PIK3C2G: variants seen among roughly 807,000 people sequenced by gnomAD.
PIK3C2G encodes phosphatidylinositol 3-kinase C2 domain-containing subunit gamma.
A neutral mutation model predicts 181.1 loss-of-function variants in PIK3C2G; 168 were observed. That is an observed-to-expected ratio of 0.93 (90% CI 0.82 to 1.05). PIK3C2G has a LOEUF of 1.05. Ranked by LOEUF, PIK3C2G falls within the 50% of genes least tolerant of loss-of-function variation. PIK3C2G has a pLI of 0.00. For missense variants in PIK3C2G, 1,869 were observed against 1,732.8 expected, an observed-to-expected ratio of 1.08 and a Z score of -1.40; for synonymous variants, 573 against 592.2, an observed-to-expected ratio of 0.97 and a Z score of 0.47.
intron 18 of PIK3C2G, among the ~76,000 whole-genome samples, chr12:18,433,564 C>A (rs1178792165): frequency 6.6e-6 from 1 of 152,058 alleles, no homozygotes; most frequent in Non-Finnish European, 1.5e-5. Context: ...ATTAAGTGTG[C>A]TCTTTTAGTT....
chr12:18,711,252 G>A, the PIK3C2G span, among the ~76,000 whole-genome samples: 6 of 151,238 alleles, frequency 4.0e-5, no homozygotes, highest in African/African-American at 1.2e-4. Context: ...GATGAAACTG[G>A]AAACCATCAT....
At chr12:18,402,835 T>C (rs1450680668) in intron 16 of PIK3C2G, among the ~76,000 whole-genome samples, 1 of 152,172 alleles carries the variant, frequency 6.6e-6, no homozygotes, top group African/African-American at 2.4e-5. Flanking sequence ...CAATGTTTTA[T>C]GTGTCCAGAT....
chr12:18,346,507 C>G, intron 10 of PIK3C2G, 134 bp from the exon 11 acceptor site: 1 of 522,738 alleles, frequency 1.9e-6, no homozygotes, highest in East Asian at 3.1e-5. Context: ...ATAGTTAATT[C>G]TCTTCAATTG....
intron 31 of PIK3C2G, among the ~76,000 whole-genome samples, chr12:18,633,987 A>G (rs183376152): frequency 1.2e-4 from 18 of 152,220 alleles, no homozygotes; most frequent in African/African-American, 3.4e-4. Flanking sequence ...GTACCTGTGA[A>G]TCTTGGCTAT....
chr12:18,640,418 T>A lies in PIK3C2G; in HGVS notation c.4183-11T>A. 6.2e-7 allele frequency: 1 copy of A among 1,604,746 alleles called. No homozygotes were observed. Among genetic ancestry groups the A allele is most frequent in the Non-Finnish European group, 8.5e-7 (1 of 1,174,826 alleles). On this transcript the variant is annotated splice_polypyrimidine_tract_variant and intron_variant, in intron 31 of 32. Transcript: ENST00000538779. ...ACATGCATTAATATTTATAACCATT[T>A]TCCTTTGCAGCATCTCCCAGATGGC...
At chr12:18,710,248 T>C in the PIK3C2G span, among the ~76,000 whole-genome samples, 1 of 150,444 alleles carries the variant, frequency 6.6e-6, no homozygotes, top group Non-Finnish European at 1.5e-5. Flanking sequence ...CTTTGAATTT[T>C]AAGACTGTCA....
At chr12:18,538,336 C>A (rs557106579) in intron 25 of PIK3C2G, 24 bp downstream of exon 25, 25 of 1,554,818 alleles carry the variant, frequency 1.6e-5, no homozygotes, top group African/African-American at 1.4e-4. Flanking sequence ...GAAAAAAAAA[C>A]AAAAATAATA....
chr12:18,430,839 C>T lies in PIK3C2G; in HGVS notation c.2504+6800C>T, dbSNP rs138660006. Among the ~76,000 whole-genome samples, 1,183 of 152,222 alleles carry T rather than the reference C, an allele frequency of 7.8e-3. 16 individuals are homozygous for T. The highest frequency in any genetic ancestry group is 0.027 in the African/African-American group (1,107 of 41,518). ...TCTTCTGTACCAGTTGAGAAAACCA[C>T]GAAATGAATTAAGCCAATGTTGTCT... is the stretch of plus-strand genomic sequence containing the variant. On this transcript the variant is annotated intron_variant, in intron 18 of 32. Transcript: ENST00000538779.
At chr12:18,347,094 T>C in intron 11 of PIK3C2G, among the ~76,000 whole-genome samples, 1 of 152,232 alleles carries the variant, frequency 6.6e-6, no homozygotes, top group Non-Finnish European at 1.5e-5. Context: ...TAGAAAATAC[T>C]AATTCCATTT....
intron 31 of PIK3C2G, among the ~76,000 whole-genome samples, chr12:18,617,458 G>T (rs1948653865): frequency 6.6e-6 from 1 of 152,084 alleles, no homozygotes; most frequent in African/African-American, 2.4e-5. Context: ...TTCACCAAAA[G>T]AGAGAAAATT....
intron 16 of PIK3C2G, among the ~76,000 whole-genome samples, chr12:18,407,323 A>G (rs1439386575): frequency 6.6e-6 from 1 of 152,174 alleles, no homozygotes; most frequent in Non-Finnish European, 1.5e-5. Flanking sequence ...ATATTTTATA[A>G]TTGAAGGACA....
At chr12:18,668,706 G>A in the PIK3C2G span, among the ~76,000 whole-genome samples, 1 of 152,106 alleles carries the variant, frequency 6.6e-6, no homozygotes, top group Non-Finnish European at 1.5e-5. Flanking sequence ...TAAAGGAAAA[G>A]ACCATTTATC....
chr12:18,420,440 C>T (rs1945419483), intron 16 of PIK3C2G, among the ~76,000 whole-genome samples: 1 of 152,110 alleles, frequency 6.6e-6, no homozygotes, highest in African/African-American at 2.4e-5. Flanking sequence ...ACTTCACAGT[C>T]TACTAGTAAG....
chr12:18,593,314 C>A (rs1947183168), intron 29 of PIK3C2G, among the ~76,000 whole-genome samples: 1 of 151,562 alleles, frequency 6.6e-6, no homozygotes, highest in Admixed American at 6.6e-5. Context: ...GAGGGAAAGA[C>A]ACATTTTTTT....
At chr12:18,448,070 C>A (rs114846418) in intron 18 of PIK3C2G, among the ~76,000 whole-genome samples, 5 of 151,896 alleles carry the variant, frequency 3.3e-5, no homozygotes, top group African/African-American at 1.2e-4. Context: ...TAAAATGTAA[C>A]GAAGAATATT....
chr12:18,452,900 T>C (rs979286813), intron 18 of PIK3C2G, among the ~76,000 whole-genome samples: 1 of 152,204 alleles, frequency 6.6e-6, no homozygotes, highest in African/African-American at 2.4e-5. Flanking sequence ...AATCCTGAAT[T>C]CTATTTTGGT....
At chr12:18,517,943 G>C (rs1050400603) in intron 24 of PIK3C2G, among the ~76,000 whole-genome samples, 2 of 152,062 alleles carry the variant, frequency 1.3e-5, no homozygotes, top group Non-Finnish European at 2.9e-5. Flanking sequence ...TAACATGAAG[G>C]GATGTTGAAT....
chr12:18,330,978 A>G (rs1199982714), intron 8 of PIK3C2G, among the ~76,000 whole-genome samples: 1 of 152,206 alleles, frequency 6.6e-6, no homozygotes, highest in Non-Finnish European at 1.5e-5. Flanking sequence ...ATTTGCCCAC[A>G]GAAGTTTGCA....
intron 11 of PIK3C2G, among the ~76,000 whole-genome samples, chr12:18,347,532 G>A (rs752459182): frequency 3.9e-5 from 6 of 152,190 alleles, no homozygotes; most frequent in East Asian, 3.9e-4. Flanking sequence ...ACTTTTGGCC[G>A]GGCACAGTGG....
Sources: allele counts gnomAD v4.1 joint callset (sites outside exome capture counted in the v4.1 genomes callset), GRCh38; gene constraint gnomAD v4.1.1; transcripts MANE v1.5; gene names NCBI Gene and HGNC (gene_info 2026-07-23, HGNC 2026-07-21).